Variants in PEG3 observed in about 807,000 individuals in gnomAD.
PEG3 encodes the protein paternally-expressed gene 3 protein.
In PEG3, 23 loss-of-function variants were observed where a neutral mutation model predicts 35.5. The observed-to-expected ratio is 0.65, with a 90% CI of 0.47 to 0.92. PEG3 has a LOEUF of 0.92. Ranked by LOEUF, PEG3 falls within the 40% of genes least tolerant of loss-of-function variation. PEG3 has a pLI of 0.00. For missense variants in PEG3, 1,960 were observed against 1,985.3 expected, an observed-to-expected ratio of 0.99 and a Z score of 0.24; for synonymous variants, 707 against 697.0, an observed-to-expected ratio of 1.01 and a Z score of -0.23.
rs2060019498 is a variant in PEG3 at position 56,816,764 on chromosome 19, C to T, written c.1678G>A (p.Asp560Asn). The stretch of plus-strand genomic sequence containing the variant: ...CACACCCTGCACTCGTAGAATTTGT[C>T]TTTGCCATATATTTTCTGAAGCTCA... ...FSELQKIYGKDKFYECRVCKE... is the reference protein window; with the variant it reads ...FSELQKIYGKNKFYECRVCKE... The change falls in exon 10 of 10, where the codon GAC becomes AAC. Residue 560 changes from aspartate to asparagine, a missense_variant. Physicochemically the swap from Asp to Asn is conservative, Grantham distance 23 (BLOSUM62 1). Coordinates refer to ENST00000326441, the MANE Select transcript of PEG3 (RefSeq NM_006210.3). 1 of 1,614,116 alleles carries T rather than the reference C, an allele frequency of 6.2e-7. No homozygotes were observed.
At chr19:56,822,708 C>T (rs1169093190) in intron 6 of PEG3, 45 bp downstream of exon 6, 2 of 1,608,246 alleles carry the variant, frequency 1.2e-6, no homozygotes, top group East Asian at 4.5e-5. Context: ...GTGCACAGCA[C>T]ATGCTCTATA....
Position 56,817,133 on chromosome 19 carries a change from G to C in PEG3, c.1309C>G (p.Pro437Ala), listed in dbSNP as rs1277651732. The change falls in exon 10 of 10, where the codon CCC (proline) becomes GCC (alanine). Residue 437 changes from proline to alanine, a missense_variant. Physicochemically the swap from Pro to Ala is conservative, Grantham distance 27. Transcript: ENST00000326441. ...SVSSLSSLSS[P>A]SFTESQPIDF... Reference sequence around the variant, plus strand: ...ATTGGCTGTGACTCGGTAAAGGAGGGGGAGCTGAGGCTGCTCAGGCTGCTC... The same window carrying C: ...ATTGGCTGTGACTCGGTAAAGGAGGCGGAGCTGAGGCTGCTCAGGCTGCTC... 3 of 1,614,112 alleles carry C rather than the reference G, an allele frequency of 1.9e-6. No homozygotes were observed. The highest frequency in any genetic ancestry group is 1.1e-5 in the South Asian group (1 of 91,076).
Position 56,810,238 on chromosome 19 carries a change from T to TC in PEG3, c.*3436dup. On this transcript the variant is annotated 3_prime_UTR_variant, in exon 10 of 10. Coordinates refer to ENST00000326441, the MANE Select transcript of PEG3 (RefSeq NM_006210.3). Reference sequence around the variant, plus strand: ...GATGGTGAAAACATGGGTGAGTTTCTCTTCTACATTTCTGTAACTTCAAAG... The same window carrying TC: ...GATGGTGAAAACATGGGTGAGTTTCTCCTTCTACATTTCTGTAACTTCAAAG... 1.0e-6 allele frequency: 1 copy of TC among 983,454 alleles called. No individual in the cohort carries two copies. Among genetic ancestry groups the TC allele is most frequent in the South Asian group, 4.7e-5 (1 of 21,252 alleles). 60.9% of individuals were successfully genotyped at this position (983,454 alleles called of 1,614,324 possible).
rs2059687880 is a variant in PEG3 at position 56,813,555 on chromosome 19, G to C, written c.*120C>G. 4.1e-6 allele frequency: 6 copies of C among 1,451,558 alleles called. No individual in the cohort carries two copies. Among genetic ancestry groups the C allele is most frequent in the African/African-American group, 1.4e-5 (1 of 69,924 alleles). 89.9% of individuals were successfully genotyped at this position (1,451,558 alleles called of 1,614,324 possible). A position where few individuals can be genotyped will look rare whatever the true frequency, so the allele number is the denominator to read the frequency against. Reference sequence around the variant, plus strand: ...ATCTGAGTTTAGAGATGTTAAGTCAGGTGTGTAACACACTAAGGTTAAGTC... The same window carrying C: ...ATCTGAGTTTAGAGATGTTAAGTCACGTGTGTAACACACTAAGGTTAAGTC... On this transcript the variant is annotated 3_prime_UTR_variant, in exon 10 of 10. Transcript: ENST00000326441.
At chr19:56,825,006 T>C (rs1432173689) in intron 3 of PEG3, 1 of 218,392 alleles carries the variant, frequency 4.6e-6, no homozygotes, top group East Asian at 9.3e-5. Context: ...GCCCTAGAAG[T>C]CTCTCTGTAA....
At chr19:56,828,487 T>A (rs1397085360) in intron 2 of PEG3, among the ~76,000 whole-genome samples, 2 of 152,162 alleles carry the variant, frequency 1.3e-5, no homozygotes, top group African/African-American at 4.8e-5. Flanking sequence ...AAGCACTGTT[T>A]ACAACAGCAG....
At position 56,818,709 on chromosome 19, in the gene PEG3, C is replaced by G; in HGVS notation, c.670-7G>C. 1 of 1,614,086 alleles carries G rather than the reference C, an allele frequency of 6.2e-7. No individual in the cohort carries two copies. The highest frequency in any genetic ancestry group is 8.5e-7 in the Non-Finnish European group (1 of 1,179,972). ...TTTGGTATGATTCAGCATCCTAAAA[C>G]AGCAAACACAGACCTCTCAATGGAG... On this transcript the variant is annotated splice_polypyrimidine_tract_variant and splice_region_variant and intron_variant, in intron 7 of 9. Coordinates refer to ENST00000326441, the MANE Select transcript of PEG3 (RefSeq NM_006210.3).
In PEG3 at chr19:56,815,125, A is replaced by AT. The variant is rs2059852892; in HGVS notation, c.3316dup (p.Ile1106AsnfsTer3). 6.2e-7 allele frequency: 1 copy of AT among 1,613,778 alleles called. No individual in the cohort carries two copies. Among genetic ancestry groups the AT allele is most frequent in the Non-Finnish European group, 8.5e-7 (1 of 1,179,864 alleles). ...CAGGCCACAGTCCTCACATTCATAG[A>AT]TTTTGTCATCAGGGTCATCCTTCTG... is the stretch of plus-strand genomic sequence containing the variant. On this transcript the variant is annotated frameshift_variant, in exon 10 of 10. Coordinates refer to ENST00000326441, the MANE Select transcript of PEG3 (RefSeq NM_006210.3). LOFTEE classifies it low-confidence loss of function (END_TRUNC).
In PEG3 at chr19:56,812,592, A is replaced by G. The variant is rs758937143; in HGVS notation, c.*1083T>C. Reference sequence around the variant, plus strand: ...CACAGGGGACCCAAGCCATGTTGCTACTTGTCACTTAAGGCAGGAAGCGCA... The same window carrying G: ...CACAGGGGACCCAAGCCATGTTGCTGCTTGTCACTTAAGGCAGGAAGCGCA... On this transcript the variant is annotated 3_prime_UTR_variant, in exon 10 of 10. Transcript: ENST00000326441. 1.4e-4 allele frequency: 139 copies of G among 985,656 alleles called. No individual in the cohort carries two copies. The highest frequency in any genetic ancestry group is 1.6e-4 in the Non-Finnish European group (135 of 829,880). 61.1% of individuals were successfully genotyped at this position (985,656 alleles called of 1,614,324 possible).
intron 7 of PEG3, among the ~76,000 whole-genome samples, chr19:56,821,032 C>T (rs1601017709): frequency 1.3e-5 from 2 of 152,346 alleles, no homozygotes; most frequent in East Asian, 1.9e-4. Context: ...TCATGAATCT[C>T]CCCGGCACAT....
rs138448730 is a variant in PEG3, at chr19:56,814,877, G to T, written c.3565C>A (p.Gln1189Lys). Residue 1189 changes from glutamine to lysine, a missense_variant, in exon 10 of 10, where the codon CAG becomes AAG. Transcript: ENST00000326441. This position sits in a 1 kb window ranked among gnomAD's most constrained non-coding sequence, Gnocchi z 5.8. ...FEHQRIHEQD[Q>K]LYSMKGCDDG... ...TCACACCCCTTCATGGAATACAACT[G>T]GTCTTGTTCATGGATTCTCTGATGC... 2.5e-6 allele frequency: 4 copies of T among 1,613,962 alleles called. No homozygotes were observed. In the African/African-American group the frequency reaches 5.3e-5, roughly 22 times the overall value.
chr19:56,817,657 T>G, intron 9 of PEG3, 78 bp from the exon 10 acceptor site: 2 of 1,521,012 alleles, frequency 1.3e-6, no homozygotes, highest in Non-Finnish European at 1.8e-6. Context: ...TGCACCCTTC[T>G]GTGATGTTTA....
At chr19:56,817,661 AT>A in intron 9 of PEG3, 82 bp from the exon 10 acceptor site, 6 of 1,514,598 alleles carry the variant, frequency 4.0e-6, no homozygotes, top group Non-Finnish European at 5.5e-6. Flanking sequence ...CCCTTCTGTG[AT>A]GTTTAGGAAT....
At position 56,815,345 on chromosome 19, in the gene PEG3, A is replaced by G. The variant is rs776069726; in HGVS notation, c.3097T>C (p.Cys1033Arg). The change falls in exon 10 of 10, where the codon TGT becomes CGT. Residue 1033 changes from cysteine (C) to arginine (R), a missense_variant. By Grantham distance (180) the Cys-to-Arg change is radical. This residue lies in a region of PEG3 where 798 missense variants were observed against 782.4 expected (regional missense o/e 1.02). Transcript: ENST00000326441. ...GCAAAAAATTGTCTGAAGTCCTTAC[A>G]TTTGTTCCGCGCTTGCTCTTTAGCA... ...QYAKEQARNK[C>R]KDFRQFFATS... 1.9e-6 allele frequency: 3 copies of G among 1,614,152 alleles called. No homozygotes were observed. Among genetic ancestry groups the G allele is most frequent in the Non-Finnish European group, 2.5e-6 (3 of 1,180,024 alleles).
At chr19:56,822,866 C>CA in intron 5 of PEG3, 30 bp from the exon 6 acceptor site, 3 of 1,604,990 alleles carry the variant, frequency 1.9e-6, no homozygotes, top group Non-Finnish European at 2.6e-6. Flanking sequence ...CAGTGGTTAA[C>CA]AAAGCTCTTT....
intron 3 of PEG3, 38 bp from the exon 4 acceptor site, chr19:56,824,779 T>C: frequency 1.1e-6 from 1 of 949,228 alleles, no homozygotes; most frequent in Middle Eastern, 3.1e-4. Flanking sequence ...GTCCCAGAAG[T>C]TGAAGACCAG....
chr19:56,821,941 C>T (rs1026278251), intron 6 of PEG3, among the ~76,000 whole-genome samples, 187 bp from the exon 7 acceptor site: 1 of 151,922 alleles, frequency 6.6e-6, no homozygotes, highest in Non-Finnish European at 1.5e-5. Context: ...ACAACCCAGA[C>T]CCAGGGCAGG....
intron 2 of PEG3, among the ~76,000 whole-genome samples, chr19:56,830,764 A>C (rs939889011): frequency 1.3e-5 from 2 of 150,496 alleles, no homozygotes; most frequent in East Asian, 3.9e-4. Context: ...AATTTCAAAA[A>C]TTTACAGAAG....
intron 8 of PEG3, 97 bp from the exon 9 acceptor site, chr19:56,817,932 T>C: frequency 1.1e-6 from 1 of 939,548 alleles, no homozygotes; most frequent in Non-Finnish European, 1.7e-6. Context: ...AGCCACTAAA[T>C]ATGAGGTGGC....
Sources: allele counts gnomAD v4.1 joint callset (sites outside exome capture counted in the v4.1 genomes callset), GRCh38; gene constraint gnomAD v4.1.1; regional missense constraint gnomAD v4.1.1; non-coding constraint Gnocchi (gnomAD v3.1); transcripts MANE v1.5; gene names NCBI Gene and HGNC (gene_info 2026-07-23, HGNC 2026-07-21).